GREB1: variants seen among roughly 807,000 people sequenced by gnomAD.
GREB1 encodes the protein protein GREB1.
A neutral mutation model predicts 200.7 loss-of-function variants in GREB1; 106 were observed. That is an observed-to-expected ratio of 0.53 (90% CI 0.45 to 0.62). The LOEUF is 0.62. Ranked by LOEUF, GREB1 falls within the 20% of genes least tolerant of loss-of-function variation. GREB1 has a pLI of 0.00. For missense variants in GREB1, 2,243 were observed against 2,556.8 expected (o/e 0.88, Z 2.65); for synonymous variants, 1,132 against 1,092.4 (o/e 1.04, Z -0.72).
intron 7 of GREB1, among the ~76,000 whole-genome samples, chr2:11,582,009 C>A (rs1398861376): frequency 6.6e-6 from 1 of 152,208 alleles, no homozygotes; most frequent in Non-Finnish European, 1.5e-5. Context: ...TCCTCCGCAG[C>A]AGCCTAGCCC....
chr2:11,586,107 G>A (rs1680061367), intron 9 of GREB1, among the ~76,000 whole-genome samples: 1 of 152,220 alleles, frequency 6.6e-6, no homozygotes, highest in Non-Finnish European at 1.5e-5. Context: ...GAATGATGGA[G>A]CTTGTCACAA....
In GREB1 at chr2:11,510,282, A is replaced by G. The variant is rs534008709; in HGVS notation, c.-159+27901A>G. ...ATGGTATGTACCTTATATTGCACCA[A>G]TGGCAGAATGCAATCTGCTTTTCTC... On this transcript the variant is annotated intron_variant, in intron 1 of 2. Transcript: ENST00000628795. Among the ~76,000 whole-genome samples the G allele has an allele frequency of 3.9e-5, 6 of 152,334 alleles. 1 individual carries two copies. The highest frequency in any genetic ancestry group is 6.5e-5 in the Admixed American group (1 of 15,298).
chr2:11,587,741 A>ACATGCGCG, intron 9 of GREB1: 1 of 786,924 alleles, frequency 1.3e-6, no homozygotes, highest in Non-Finnish European at 1.6e-6. Flanking sequence ...ACACACACAC[A>ACATGCGCG]CGCCACCTTT....
chr2:11,613,833 A>G (rs995843316), intron 19 of GREB1, among the ~76,000 whole-genome samples: 1 of 152,116 alleles, frequency 6.6e-6, no homozygotes, highest in Non-Finnish European at 1.5e-5. Flanking sequence ...ATCCTGTTTC[A>G]TGGTTGAGTC....
chr2:11,516,311 G>GGTGTGTGTGTGTGTGTGT (rs60141733), intron 1 of GREB1, among the ~76,000 whole-genome samples: 13 of 143,860 alleles, frequency 9.0e-5, no homozygotes, highest in African/African-American at 7.8e-5. Flanking sequence ...TTTTCCTGCA[G>GGTGTGTGTGTGTGTGTGT]GTGTGTGTGT....
intron 10 of GREB1, among the ~76,000 whole-genome samples, chr2:11,590,438 G>A (rs1415854821): frequency 2.0e-5 from 3 of 152,070 alleles, no homozygotes; most frequent in African/African-American, 4.8e-5. Context: ...CCAGCCCACT[G>A]TCCCCCTCAG....
chr2:11,638,912 T>G, intron 32 of GREB1, 103 bp downstream of exon 32: 1 of 1,183,960 alleles, frequency 8.4e-7, no homozygotes. Flanking sequence ...TGCCCATGGG[T>G]AAACTGAGGA....
In GREB1 at chr2:11,566,468, C is replaced by T. The variant is rs1045479567; in HGVS notation, c.278-12C>T. 1.3e-6 allele frequency: 2 copies of T among 1,595,154 alleles called. No individual in the cohort carries two copies. The highest frequency in any genetic ancestry group is 2.2e-5 in the East Asian group (1 of 44,598). On this transcript the variant is annotated splice_polypyrimidine_tract_variant and intron_variant, in intron 3 of 32. Coordinates refer to ENST00000381486, the MANE Select transcript of GREB1 (RefSeq NM_014668.4). ...CCCTGGGCAGCGTGTGAACCCTGTC[C>T]ACCCCTCCTAGGGTTTTGCCAGGCC...
In GREB1 at chr2:11,578,280, G is replaced by T; in HGVS notation, c.638-17G>T. The T allele has an allele frequency of 6.2e-7, 1 of 1,606,672 alleles. No homozygotes were observed. Among genetic ancestry groups the T allele is most frequent in the Non-Finnish European group, 8.5e-7 (1 of 1,174,168 alleles). On this transcript the variant is annotated splice_polypyrimidine_tract_variant and intron_variant, in intron 5 of 32. Coordinates refer to ENST00000381486, the MANE Select transcript of GREB1 (RefSeq NM_014668.4). ...GAAGAGCGAGTTGGTTTTCACGTGTGCACCTTGCCCCCTTAGAGTTTAGAA... is the reference window on the plus strand; with the variant it reads ...GAAGAGCGAGTTGGTTTTCACGTGTTCACCTTGCCCCCTTAGAGTTTAGAA...
chr2:11,502,927 G>A (rs567976146), intron 1 of GREB1, among the ~76,000 whole-genome samples: 182 of 152,228 alleles, frequency 1.2e-3, no homozygotes, highest in Non-Finnish European at 2.0e-3. Flanking sequence ...AGACAGGAAG[G>A]GGTGGAATTG....
At position 11,638,674 on chromosome 2, in the gene GREB1, T is replaced by C. The variant is rs1685575019; in HGVS notation, c.5551T>C (p.Ser1851Pro). The change falls in exon 32 of 33, where the codon TCT (serine) becomes CCT (proline). Residue 1851 changes from serine to proline, a missense_variant. Coordinates refer to ENST00000381486, the MANE Select transcript of GREB1 (RefSeq NM_014668.4). ...DCYLNLGSQI[S>P]VCYVSSRPHS... ...TCTTGGATTTCTTCTTTTTCAGATT[T>C]CTGTTTGCTATGTGAGCTCCAGGCC... 2 of 1,610,110 alleles carry C rather than the reference T, an allele frequency of 1.2e-6. No homozygotes were observed. Among genetic ancestry groups the C allele is most frequent in the Non-Finnish European group, 1.7e-6 (2 of 1,179,218 alleles).
At chr2:11,587,716 C>G (rs1680280335) in intron 9 of GREB1, 1 of 1,183,526 alleles carries the variant, frequency 8.4e-7, no homozygotes, top group African/African-American at 1.7e-5. Context: ...CACACACACA[C>G]ACACACACAC....
chr2:11,585,272 A>G lies in GREB1; in HGVS notation c.1013A>G (p.Tyr338Cys). The G allele has an allele frequency of 6.7e-7, 1 of 1,501,998 alleles. No individual in the cohort carries two copies. The highest frequency in any genetic ancestry group is 1.4e-5 in the African/African-American group (1 of 71,300). 93.0% of individuals were successfully genotyped at this position (1,501,998 alleles called of 1,614,324 possible). A position where few individuals can be genotyped will look rare whatever the true frequency, so the allele number is the denominator to read the frequency against. ...CAAGGTGGTGGGAACAGAGCTAAGT[A>G]TGGTAAGTGATGGCAGCCTTGCCCA... ...CPQGGGNRAK[Y>C]ESAGMSCVPQ... The change falls in exon 8 of 33, where the codon TAT becomes TGT. Residue 338 changes from tyrosine (Y) to cysteine (C), a missense_variant and splice_region_variant. By Grantham distance (194) the Tyr-to-Cys change is radical. Transcript: ENST00000381486.
intron 3 of GREB1, among the ~76,000 whole-genome samples, chr2:11,565,343 C>T (rs1193274965): frequency 6.6e-6 from 1 of 152,224 alleles, no homozygotes; most frequent in Non-Finnish European, 1.5e-5. Context: ...GTTGCTTTCT[C>T]CTGCCCCCGC....
At chr2:11,489,469 A>G (rs375014571) in intron 1 of GREB1, among the ~76,000 whole-genome samples, 2 of 152,188 alleles carry the variant, frequency 1.3e-5, no homozygotes, top group African/African-American at 4.8e-5. Context: ...GGGGGAAAAA[A>G]AAATAAATAA....
At chr2:11,632,771 G>A in intron 27 of GREB1, 118 bp from the exon 28 acceptor site, 1 of 756,382 alleles carries the variant, frequency 1.3e-6, no homozygotes, top group Non-Finnish European at 2.2e-6. Flanking sequence ...GGTGATTCAT[G>A]TCAGGAAGGT....
intron 1 of GREB1, among the ~76,000 whole-genome samples, chr2:11,528,828 A>G (rs1206675851): frequency 3.9e-5 from 6 of 152,234 alleles, no homozygotes; most frequent in Admixed American, 3.3e-4. Flanking sequence ...TTTAGAAGTC[A>G]TTCATTAATT....
chr2:11,570,541 A>T (rs1412758797), intron 4 of GREB1, among the ~76,000 whole-genome samples: 1 of 151,558 alleles, frequency 6.6e-6, no homozygotes, highest in Non-Finnish European at 1.5e-5. Flanking sequence ...TTTTTAAAGC[A>T]ATTGGTGCAT....
chr2:11,555,271 G>A (rs1676321281), intron 1 of GREB1, among the ~76,000 whole-genome samples: 1 of 152,208 alleles, frequency 6.6e-6, no homozygotes. Context: ...TTAAATGCCT[G>A]TTCTTGGGAA....
Sources: gnomAD v4.1 joint callset for allele counts (sites outside exome capture counted in the v4.1 genomes callset) on GRCh38, gnomAD v4.1.1 for gene constraint, MANE v1.5 for transcripts, NCBI Gene and HGNC (gene_info 2026-07-23, HGNC 2026-07-21) for gene names.